KIAA1217: variants seen among roughly 807,000 people sequenced by gnomAD.
The protein encoded by KIAA1217 is sickle tail protein homolog.
A neutral mutation model predicts 163.9 loss-of-function variants in KIAA1217; 88 were observed. The observed-to-expected ratio is 0.54, with a 90% CI of 0.45 to 0.64. KIAA1217 has a LOEUF of 0.64. Among genes scored for constraint, KIAA1217 ranks in the 30% least tolerant of loss-of-function variants. The pLI, the probability that KIAA1217 is intolerant of heterozygous loss-of-function variation, is 0.00. For missense variants in KIAA1217, 2,372 were observed against 2,475.0 expected (o/e 0.96, Z 0.88); for synonymous variants, 903 against 923.1 (o/e 0.98, Z 0.39).
chr10:23,824,816 A>G (rs1837823637), intron 1 of KIAA1217, among the ~76,000 whole-genome samples: 1 of 151,560 alleles, frequency 6.6e-6, no homozygotes, highest in Non-Finnish European at 1.5e-5. Context: ...TTGGGGTAAC[A>G]TATTCTCTAA....
intron 1 of KIAA1217, among the ~76,000 whole-genome samples, chr10:23,920,406 G>C (rs1183106585): frequency 6.6e-6 from 1 of 152,072 alleles, no homozygotes; most frequent in East Asian, 1.9e-4. Context: ...TTCTATTTCT[G>C]GACTGATAAA....
At chr10:24,099,484 T>C (rs2062309283) in intron 2 of KIAA1217, among the ~76,000 whole-genome samples, 1 of 151,084 alleles carries the variant, frequency 6.6e-6, no homozygotes, top group Admixed American at 6.6e-5. Context: ...GGTTTCCAGC[T>C]TCATCTATGT....
intron 1 of KIAA1217, among the ~76,000 whole-genome samples, chr10:23,780,030 A>T (rs1386378586): frequency 6.6e-6 from 1 of 152,206 alleles, no homozygotes; most frequent in African/African-American, 2.4e-5. Flanking sequence ...TATGATGTTC[A>T]TAGGACAAAG....
At chr10:24,124,716 C>G (rs1281639523) in intron 2 of KIAA1217, among the ~76,000 whole-genome samples, 1 of 152,112 alleles carries the variant, frequency 6.6e-6, no homozygotes, top group Non-Finnish European at 1.5e-5. Context: ...AATGCATTAA[C>G]TGGTAAATTA....
At chr10:24,183,487 A>T (rs2066277362) in intron 2 of KIAA1217, among the ~76,000 whole-genome samples, 1 of 152,144 alleles carries the variant, frequency 6.6e-6, no homozygotes, top group Non-Finnish European at 1.5e-5. Flanking sequence ...GGGCTAAATT[A>T]CTCTGTGTCC....
intron 1 of KIAA1217, among the ~76,000 whole-genome samples, chr10:23,788,774 C>T (rs771901491): frequency 2.0e-5 from 3 of 152,230 alleles, no homozygotes; most frequent in Admixed American, 6.5e-5. Context: ...AGGACAGGCA[C>T]GGGGAGAAGC....
At chr10:24,087,860 G>A (rs1464980360) in intron 2 of KIAA1217, among the ~76,000 whole-genome samples, 1 of 152,148 alleles carries the variant, frequency 6.6e-6, no homozygotes, top group Non-Finnish European at 1.5e-5. Flanking sequence ...GCCTGCAGCG[G>A]TGTTAGAAAG....
At position 23,876,145 on chromosome 10, in the gene KIAA1217, C is replaced by A. The variant is rs546803629; in HGVS notation, c.-320-131080C>A. 1.2e-4 allele frequency among the ~76,000 whole-genome samples: 18 copies of A among 151,400 alleles called. No homozygotes were observed. The South Asian group carries it at 1.7e-3, about 14-fold the overall frequency. On this transcript the variant is annotated intron_variant, in intron 1 of 18. Coordinates refer to the KIAA1217 transcript ENST00000376462. ...GACATATACACCGTGGAATGCTATGCAGCCATAAAAAGAGCAAAATCAAGT... is the reference window on the plus strand; with the variant it reads ...GACATATACACCGTGGAATGCTATGAAGCCATAAAAAGAGCAAAATCAAGT...
intron 1 of KIAA1217, among the ~76,000 whole-genome samples, chr10:23,767,904 C>T (rs937200432): frequency 1.3e-5 from 2 of 152,202 alleles, no homozygotes; most frequent in African/African-American, 4.8e-5. Context: ...GGGCTTTCTC[C>T]TTTCCCCCTC....
chr10:23,732,828 G>GT (rs1838551996), intron 1 of KIAA1217, among the ~76,000 whole-genome samples: 1 of 152,066 alleles, frequency 6.6e-6, no homozygotes, highest in Non-Finnish European at 1.5e-5. Context: ...TGAGATGCAA[G>GT]TTTTTTACAT....
chr10:24,290,252 C>T (rs1169256555), intron 2 of KIAA1217, among the ~76,000 whole-genome samples: 1 of 152,098 alleles, frequency 6.6e-6, no homozygotes. Flanking sequence ...GAACAGTGGG[C>T]TCATTATCTG....
At chr10:23,953,317 G>A (rs561354312) in intron 1 of KIAA1217, among the ~76,000 whole-genome samples, 2 of 152,292 alleles carry the variant, frequency 1.3e-5, no homozygotes, top group East Asian at 3.9e-4. Flanking sequence ...AGTCAATAAC[G>A]ATTCTCCTCC....
upstream of KIAA1217, chr10:24,209,015 A>C: frequency 1.7e-6 from 1 of 593,814 alleles, no homozygotes; most frequent in East Asian, 2.9e-5. Flanking sequence ...CCCGCGCTGG[A>C]ATGCAGTTTT....
chr10:23,838,022 C>T (rs915674541), intron 1 of KIAA1217, among the ~76,000 whole-genome samples: 2 of 152,180 alleles, frequency 1.3e-5, no homozygotes, highest in African/African-American at 4.8e-5. Flanking sequence ...TTTTGTCTTT[C>T]TGCTGCATCT....
intron 2 of KIAA1217, among the ~76,000 whole-genome samples, chr10:24,124,348 T>G (rs1355220560): frequency 2.0e-5 from 3 of 152,120 alleles, no homozygotes; most frequent in Non-Finnish European, 2.9e-5. Flanking sequence ...GTTTGTAAAT[T>G]ATTTTTGATT....
At chr10:23,699,392 AC>A (rs777736567) in intron 1 of KIAA1217, among the ~76,000 whole-genome samples, 51 of 152,268 alleles carry the variant, frequency 3.3e-4, no homozygotes, top group Middle Eastern at 3.4e-3. Context: ...GGCCCAGAAA[AC>A]GTTCTGTAGT....
intron 2 of KIAA1217, among the ~76,000 whole-genome samples, chr10:24,256,583 T>C (rs1476584172): frequency 6.6e-6 from 1 of 152,118 alleles, no homozygotes; most frequent in East Asian, 1.9e-4. Context: ...AGAAATAGAA[T>C]TAAGGAGAAA....
intron 2 of KIAA1217, among the ~76,000 whole-genome samples, chr10:24,288,215 A>G (rs895400432): frequency 6.6e-6 from 1 of 152,198 alleles, no homozygotes; most frequent in African/African-American, 2.4e-5. Flanking sequence ...GATTATGTAT[A>G]TTATGATTGC....
At chr10:23,835,836 T>C (rs530887482) in intron 1 of KIAA1217, among the ~76,000 whole-genome samples, 1 of 152,280 alleles carries the variant, frequency 6.6e-6, no homozygotes, top group South Asian at 2.1e-4. Context: ...TCTCCTTCCT[T>C]TATGAGTATT....
Sources: gnomAD v4.1 joint callset for allele counts (sites outside exome capture counted in the v4.1 genomes callset) on GRCh38, gnomAD v4.1.1 for gene constraint, MANE v1.5 for transcripts, NCBI Gene and HGNC (gene_info 2026-07-23, HGNC 2026-07-21) for gene names.